Variants in XPO1 observed in about 807,000 individuals in gnomAD.
The protein encoded by XPO1 is exportin-1.
XPO1 carries 5 observed loss-of-function variants against 133.3 expected under a neutral mutation model. That is an observed-to-expected ratio of 0.04 (90% CI 0.02 to 0.08). The LOEUF (loss-of-function observed/expected upper bound fraction) is 0.08. XPO1 is among the 10% of genes least tolerant of loss of function. The probability of loss-of-function intolerance (pLI) is 1.00; values close to 1 mark genes in which losing one functional copy is unlikely to be tolerated. For synonymous variants in XPO1, 419 were observed against 408.2 expected (o/e 1.03, Z -0.32); for missense variants, 506 against 1,267.5 (o/e 0.40, Z 9.12).
Position 61,514,266 on chromosome 2 carries a change from A to G in XPO1, c.301+8345T>C, listed in dbSNP as rs962684534. Among the ~76,000 whole-genome samples the G allele has an allele frequency of 2.0e-5, 3 of 151,970 alleles. No homozygotes were observed. In the East Asian group the frequency reaches 5.8e-4, roughly 29 times the overall value. On this transcript the variant is annotated intron_variant, in intron 4 of 24. Transcript: ENST00000401558. ...CTGGCATGGCAAAGAACATGTAAGG[A>G]TATGTGATGGAACACAGAACAACAC...
intron 4 of XPO1, among the ~76,000 whole-genome samples, chr2:61,517,681 TG>T (rs1434248938): frequency 2.0e-5 from 3 of 152,152 alleles, no homozygotes; most frequent in African/African-American, 7.2e-5. Flanking sequence ...CAGCCAGGCT[TG>T]GTAGCAATTT....
chr2:61,501,072 G>T (rs1022977673), intron 6 of XPO1, among the ~76,000 whole-genome samples: 2 of 152,250 alleles, frequency 1.3e-5, no homozygotes, highest in African/African-American at 4.8e-5. Flanking sequence ...AAAAATACAT[G>T]TTAACCTTCT....
chr2:61,519,065 C>G (rs1698555155), intron 4 of XPO1, among the ~76,000 whole-genome samples: 1 of 152,146 alleles, frequency 6.6e-6, no homozygotes, highest in South Asian at 2.1e-4. Context: ...ATTCTCTTGC[C>G]TCAGCCTCCT....
chr2:61,507,150 G>A (rs940225625), intron 4 of XPO1, among the ~76,000 whole-genome samples: 13 of 143,444 alleles, frequency 9.1e-5, no homozygotes, highest in African/African-American at 3.4e-4. Context: ...GGGAGACTGA[G>A]GCAGGAGAAT....
intron 20 of XPO1, chr2:61,485,539 CT>C (rs1558631231): frequency 1.6e-5 from 3 of 185,342 alleles, no homozygotes; most frequent in African/African-American, 7.3e-5. Context: ...TGACTGGTTA[CT>C]TTTTGAACTT....
At chr2:61,531,577 T>C (rs1221389919) in intron 2 of XPO1, among the ~76,000 whole-genome samples, 1 of 152,218 alleles carries the variant, frequency 6.6e-6, no homozygotes, top group Non-Finnish European at 1.5e-5. Flanking sequence ...AGTGAACTAG[T>C]TTAGTGTGAA....
Position 61,498,907 on chromosome 2 carries a change from G to T in XPO1, c.597C>A (p.Cys199Ter), listed in dbSNP as rs2104494698. The T allele has an allele frequency of 6.3e-7, 1 of 1,584,702 alleles. No individual in the cohort carries two copies. Among genetic ancestry groups the T allele is most frequent in the Non-Finnish European group, 8.6e-7 (1 of 1,168,388 alleles). Residue 199 changes from cysteine to a stop codon, truncating the protein, a stop_gained, in exon 8 of 25, where the codon TGC becomes TGA. Transcript: ENST00000401558. LOFTEE classifies it high-confidence loss of function. ...GTTGAAATATCTGTGAGAATTCATT[G>T]CACATGCTAAAAAAAAAAACACACA... ...VKSKHLKDSM[C>*]NEFSQIFQLC...
intron 10 of XPO1, 119 bp from the exon 11 acceptor site, chr2:61,495,732 T>A: frequency 5.7e-6 from 6 of 1,049,114 alleles, no homozygotes; most frequent in Non-Finnish European, 6.3e-6. Context: ...AGTGCAGTGG[T>A]ATGACCAAAG....
At chr2:61,520,236 T>C (rs1698624032) in intron 4 of XPO1, among the ~76,000 whole-genome samples, 1 of 152,226 alleles carries the variant, frequency 6.6e-6, no homozygotes, top group Admixed American at 6.5e-5. Flanking sequence ...AATTAATTTA[T>C]GTAATTTCCA....
intron 2 of XPO1, among the ~76,000 whole-genome samples, chr2:61,529,522 G>A (rs1308950135): frequency 1.3e-5 from 2 of 152,098 alleles, no homozygotes; most frequent in African/African-American, 4.8e-5. Context: ...TGGGCATGGT[G>A]GGGCGTACTT....
chr2:61,513,923 G>A (rs756857429), intron 4 of XPO1, among the ~76,000 whole-genome samples: 13 of 152,244 alleles, frequency 8.5e-5, no homozygotes, highest in Non-Finnish European at 1.5e-4. Flanking sequence ...GGGCTTACAC[G>A]CCTGTAATCC....
chr2:61,489,677 C>T (rs1696873813), intron 17 of XPO1, among the ~76,000 whole-genome samples: 2 of 151,422 alleles, frequency 1.3e-5, no homozygotes, highest in Admixed American at 1.3e-4. Context: ...GCCTCAGCCT[C>T]CTGAGTAGCT....
intron 8 of XPO1, 26 bp downstream of exon 8, chr2:61,498,839 T>A (rs779512112): frequency 6.2e-7 from 1 of 1,607,664 alleles, no homozygotes; most frequent in East Asian, 2.2e-5. Context: ...ATTATTGTTT[T>A]TAAAAATGAA....
chr2:61,532,468 A>G (rs1004217549), intron 2 of XPO1, among the ~76,000 whole-genome samples: 1 of 151,996 alleles, frequency 6.6e-6, no homozygotes, highest in Admixed American at 6.6e-5. Context: ...ATATCTTGAC[A>G]ATATAAGTAA....
In XPO1 at chr2:61,537,624, G is replaced by A. The variant is rs1330273000; in HGVS notation, c.-69C>T. On this transcript the variant is annotated 5_prime_UTR_variant, in exon 1 of 25. Coordinates refer to ENST00000401558, the MANE Select transcript of XPO1 (RefSeq NM_003400.4). ...GGGGATTAGGGCGAGGGAAGGTGGG[G>A]AGGGGGGAGAGGGGACGAATCAAGG... 1 of 151,842 alleles carries A rather than the reference G, an allele frequency of 6.6e-6. No homozygotes were observed. Among genetic ancestry groups the A allele is most frequent in the East Asian group, 1.9e-4 (1 of 5,276 alleles). The allele number at this position is 151,842 out of a possible 1,614,324, so 9.4% of individuals were successfully genotyped here.
At chr2:61,493,689 T>C in intron 12 of XPO1, 1 of 545,462 alleles carries the variant, frequency 1.8e-6, no homozygotes, top group Non-Finnish European at 3.2e-6. Context: ...TCACAACCAA[T>C]GTTGATACTG....
chr2:61,481,333 A>G (rs1168247886), intron 23 of XPO1, 52 bp from the exon 24 acceptor site: 1 of 1,422,380 alleles, frequency 7.0e-7, no homozygotes, highest in African/African-American at 1.4e-5. Context: ...CCCCCGAGAC[A>G]GAGTATTGCT....
intron 12 of XPO1, 44 bp downstream of exon 12, chr2:61,493,850 C>A: frequency 1.3e-6 from 2 of 1,599,910 alleles, no homozygotes; most frequent in South Asian, 2.2e-5. Context: ...ACCTCAAAAC[C>A]ACAGTATGCA....
At chr2:61,519,897 T>TA (rs893748555) in intron 4 of XPO1, among the ~76,000 whole-genome samples, 1 of 152,124 alleles carries the variant, frequency 6.6e-6, no homozygotes, top group Non-Finnish European at 1.5e-5. Flanking sequence ...GAAACTTAGC[T>TA]AAAGGGCCGG....
Sources: allele counts gnomAD v4.1 joint callset (sites outside exome capture counted in the v4.1 genomes callset), GRCh38; gene constraint gnomAD v4.1.1; transcripts MANE v1.5; gene names NCBI Gene and HGNC (gene_info 2026-07-23, HGNC 2026-07-21).